Variants in KCNMA1 observed in about 807,000 individuals in gnomAD.
KCNMA1 encodes potassium calcium-activated channel subfamily M alpha 1.
KCNMA1 carries 29 observed loss-of-function variants against 140.0 expected under a neutral mutation model. The observed-to-expected ratio is 0.21, with a 90% CI of 0.15 to 0.28. KCNMA1 has a LOEUF of 0.28. Ranked by LOEUF, KCNMA1 falls within the 10% of genes least tolerant of loss-of-function variation. KCNMA1 has a pLI of 1.00. For synonymous variants in KCNMA1, 612 were observed against 611.9 expected, an observed-to-expected ratio of 1.00 and a Z score of 0.00; for missense variants, 880 against 1,602.2, an observed-to-expected ratio of 0.55 and a Z score of 7.70.
At chr10:77,127,947 C>T (rs2097777117) in intron 5 of KCNMA1, among the ~76,000 whole-genome samples, 1 of 151,872 alleles carries the variant, frequency 6.6e-6, no homozygotes, top group African/African-American at 2.4e-5. Context: ...GCACTCCAGC[C>T]TGGGCTACAG....
chr10:77,469,115 T>C (rs920525207), intron 1 of KCNMA1, among the ~76,000 whole-genome samples: 13 of 152,166 alleles, frequency 8.5e-5, no homozygotes, highest in Admixed American at 2.0e-4. Context: ...AGCCATGTAC[T>C]TTGCTGACTG....
rs191070712 is a variant in KCNMA1 at position 77,408,534 on chromosome 10, G to A, written c.379-4511C>T. Among the ~76,000 whole-genome samples, 16 of 152,308 alleles carry A rather than the reference G, an allele frequency of 1.1e-4. 1 individual carries two copies. In the East Asian group the frequency reaches 1.5e-3, roughly 15 times the overall value. ...TGTGCATGTGTGTGTGCATCTGTGTGTGTGCTCACACATGCGTGTGTGTGT... is the reference window on the plus strand; with the variant it reads ...TGTGCATGTGTGTGTGCATCTGTGTATGTGCTCACACATGCGTGTGTGTGT... On this transcript the variant is annotated intron_variant, in intron 1 of 27. Coordinates refer to ENST00000286628, the MANE Select transcript of KCNMA1 (RefSeq NM_001161352.2).
chr10:77,327,832 T>A (rs1420835369), intron 2 of KCNMA1, among the ~76,000 whole-genome samples: 1 of 152,168 alleles, frequency 6.6e-6, no homozygotes, highest in Non-Finnish European at 1.5e-5. Context: ...CTATGTATAG[T>A]CTGTGCGATC....
chr10:77,359,105 C>G (rs558474678), intron 2 of KCNMA1, among the ~76,000 whole-genome samples: 103 of 152,286 alleles, frequency 6.8e-4, no homozygotes, highest in Middle Eastern at 6.8e-3. Flanking sequence ...TCGTTCACAC[C>G]CAGGAGGAGG....
At chr10:76,898,977 A>T (rs2043861610) in intron 25 of KCNMA1, among the ~76,000 whole-genome samples, 1 of 152,042 alleles carries the variant, frequency 6.6e-6, no homozygotes, top group South Asian at 2.1e-4. Flanking sequence ...AACTGAAAAA[A>T]CACAAATAAA....
intron 5 of KCNMA1, among the ~76,000 whole-genome samples, chr10:77,181,292 G>A (rs150115572): frequency 4.6e-5 from 7 of 152,300 alleles, no homozygotes; most frequent in South Asian, 2.1e-4. Context: ...AGTGAAGAAG[G>A]CAGATCCCAC....
chr10:77,596,277 A>G (rs888271210), intron 1 of KCNMA1, among the ~76,000 whole-genome samples: 14 of 152,318 alleles, frequency 9.2e-5, no homozygotes, highest in African/African-American at 3.4e-4. Flanking sequence ...CAATTTCATA[A>G]TATCTATCAA....
intron 1 of KCNMA1, among the ~76,000 whole-genome samples, chr10:77,516,637 C>T (rs1477205137): frequency 6.6e-6 from 1 of 152,266 alleles, no homozygotes; most frequent in Non-Finnish European, 1.5e-5. Context: ...CCTCTATATG[C>T]TGAGAGGCAG....
chr10:77,012,563 G>A (rs746818402), intron 17 of KCNMA1: 1 of 1,549,626 alleles, frequency 6.5e-7, no homozygotes, highest in Non-Finnish European at 8.7e-7. Context: ...GAGGTCTGCA[G>A]AGAGGGAAAA....
intron 1 of KCNMA1, among the ~76,000 whole-genome samples, chr10:77,605,330 A>G (rs1206002355): frequency 1.3e-5 from 2 of 152,334 alleles, no homozygotes; most frequent in Non-Finnish European, 2.9e-5. Flanking sequence ...TCTAAAAGAG[A>G]TGCTTCATCT....
intron 20 of KCNMA1, 68 bp downstream of exon 20, chr10:76,969,906 A>G: frequency 3.2e-6 from 4 of 1,248,326 alleles, no homozygotes; most frequent in Non-Finnish European, 4.7e-6. Context: ...TGGCAGGGTG[A>G]GGAGAGGGCG....
intron 11 of KCNMA1, among the ~76,000 whole-genome samples, 174 bp downstream of exon 11, chr10:77,086,314 T>C (rs1376509384): frequency 1.3e-5 from 2 of 152,146 alleles, no homozygotes; most frequent in African/African-American, 4.8e-5. Context: ...AAGGAGGTCC[T>C]GGGACCAGTG....
At chr10:76,978,242 G>C (rs1285603257) in intron 19 of KCNMA1, among the ~76,000 whole-genome samples, 2 of 152,152 alleles carry the variant, frequency 1.3e-5, no homozygotes, top group Non-Finnish European at 2.9e-5. Context: ...CTTATCAAAG[G>C]TAGTTTCAGA....
At chr10:76,952,707 T>C (rs2066761952) in intron 21 of KCNMA1, among the ~76,000 whole-genome samples, 1 of 152,158 alleles carries the variant, frequency 6.6e-6, no homozygotes, top group Non-Finnish European at 1.5e-5. Context: ...TGCTCATTTA[T>C]AATTAAGCTG....
intron 19 of KCNMA1, among the ~76,000 whole-genome samples, chr10:76,977,027 T>G (rs927611987): frequency 1.3e-5 from 2 of 152,192 alleles, no homozygotes; most frequent in African/African-American, 4.8e-5. Context: ...GGGGAATGTA[T>G]AGAAGTCCAA....
intron 14 of KCNMA1, among the ~76,000 whole-genome samples, chr10:77,047,063 T>C (rs1472005836): frequency 6.6e-6 from 1 of 152,198 alleles, no homozygotes; most frequent in Non-Finnish European, 1.5e-5. Context: ...TCCATAACAA[T>C]TTGGCATTCC....
At chr10:77,342,703 G>C (rs530613137) in intron 2 of KCNMA1, among the ~76,000 whole-genome samples, 4 of 152,152 alleles carry the variant, frequency 2.6e-5, no homozygotes, top group African/African-American at 9.7e-5. Flanking sequence ...GAGGTGACAC[G>C]AGGTAAATTC....
intron 2 of KCNMA1, among the ~76,000 whole-genome samples, chr10:77,339,606 A>C (rs1406589552): frequency 6.6e-6 from 1 of 152,114 alleles, no homozygotes; most frequent in African/African-American, 2.4e-5. Flanking sequence ...AAGAGAACTA[A>C]ATGTTTCCCT....
intron 2 of KCNMA1, among the ~76,000 whole-genome samples, chr10:77,252,113 T>C (rs1055093477): frequency 2.0e-5 from 3 of 152,302 alleles, no homozygotes; most frequent in Middle Eastern, 3.4e-3. Flanking sequence ...TTAATCTCCA[T>C]GGATGGAAGA....
Sources: allele counts gnomAD v4.1 joint callset (sites outside exome capture counted in the v4.1 genomes callset), GRCh38; gene constraint gnomAD v4.1.1; transcripts MANE v1.5; gene names NCBI Gene and HGNC (gene_info 2026-07-23, HGNC 2026-07-21).